PREX2: variants seen among roughly 807,000 people sequenced by gnomAD.
PREX2 encodes the protein phosphatidylinositol 3,4,5-trisphosphate-dependent Rac exchanger 2 protein.
In PREX2, 107 loss-of-function variants were observed where a neutral mutation model predicts 203.2. That is an observed-to-expected ratio of 0.53 (90% CI 0.45 to 0.62). PREX2 has a LOEUF of 0.62. PREX2 is among the 20% of genes least tolerant of loss of function. The probability of loss-of-function intolerance (pLI) is 0.00; values close to 1 mark genes in which losing one functional copy is unlikely to be tolerated. For missense variants in PREX2, 1,777 were observed against 1,955.9 expected, an observed-to-expected ratio of 0.91 and a Z score of 1.72; for synonymous variants, 672 against 663.6, an observed-to-expected ratio of 1.01 and a Z score of -0.19.
intron 31 of PREX2, among the ~76,000 whole-genome samples, chr8:68,128,377 A>G (rs1049157221): frequency 6.6e-6 from 1 of 152,140 alleles, no homozygotes; most frequent in Admixed American, 6.6e-5. Flanking sequence ...GTTTAAAAAA[A>G]TTCCCCAAAC....
intron 37 of PREX2, among the ~76,000 whole-genome samples, chr8:68,215,635 C>T (rs1211996435): frequency 6.6e-6 from 1 of 151,916 alleles, no homozygotes; most frequent in Non-Finnish European, 1.5e-5. Context: ...CCTGAGTTCA[C>T]GCCCTTCTCC....
chr8:68,030,632 T>A lies in PREX2; in HGVS notation c.679T>A (p.Trp227Arg). ...GGAGAAGTTAGAAGTTTTAGAGGAA[T>A]GGCAGTCTCACATTGAAGGCTGGGA... ...QMEKLEVLEEWQSHIEGWEGS... is the reference protein window; with the variant it reads ...QMEKLEVLEERQSHIEGWEGS... The change falls in exon 6 of 40, where the codon TGG (tryptophan) becomes AGG (arginine). Residue 227 changes from tryptophan to arginine, a missense_variant. Trp to Arg is a moderately radical substitution (Grantham distance 101, BLOSUM62 -3). Coordinates refer to ENST00000288368, the MANE Select transcript of PREX2 (RefSeq NM_024870.4). 6.2e-7 allele frequency: 1 copy of A among 1,613,618 alleles called. No individual in the cohort carries two copies. The highest frequency in any genetic ancestry group is 8.5e-7 in the Non-Finnish European group (1 of 1,179,622).
chr8:67,982,585 T>C (rs1347607923), intron 1 of PREX2, among the ~76,000 whole-genome samples: 2 of 152,210 alleles, frequency 1.3e-5, no homozygotes, highest in African/African-American at 4.8e-5. Context: ...GGGTAAAATA[T>C]TTAAAAAATA....
At chr8:68,030,730 G>T (rs980704401) in intron 6 of PREX2, 72 bp downstream of exon 6, 1 of 1,433,290 alleles carries the variant, frequency 7.0e-7, no homozygotes, top group Non-Finnish European at 9.8e-7. Flanking sequence ...AATTACTGGC[G>T]TTGGATGGAA....
chr8:68,162,295 T>A (rs1436841154), intron 35 of PREX2, among the ~76,000 whole-genome samples: 1 of 152,042 alleles, frequency 6.6e-6, no homozygotes, highest in African/African-American at 2.4e-5. Flanking sequence ...TAGAAAGAGG[T>A]TTTCTCAATT....
intron 4 of PREX2, among the ~76,000 whole-genome samples, chr8:68,024,814 G>A (rs779281328): frequency 2.0e-5 from 3 of 151,644 alleles, no homozygotes; most frequent in Admixed American, 6.6e-5. Context: ...AGTGTTTTTG[G>A]TGATTGCTCT....
chr8:67,957,999 C>A (rs765778772), intron 1 of PREX2, among the ~76,000 whole-genome samples: 10 of 152,046 alleles, frequency 6.6e-5, no homozygotes, highest in Non-Finnish European at 1.2e-4. Flanking sequence ...GAGGAAAGGC[C>A]TTGGGAGGAC....
chr8:68,111,467 T>C (rs1188737937), intron 25 of PREX2, among the ~76,000 whole-genome samples: 1 of 152,192 alleles, frequency 6.6e-6, no homozygotes, highest in Non-Finnish European at 1.5e-5. Flanking sequence ...GAGCTCCTTT[T>C]ACTTGGTTTA....
intron 35 of PREX2, among the ~76,000 whole-genome samples, chr8:68,160,892 T>A (rs1485200680): frequency 6.6e-6 from 1 of 152,114 alleles, no homozygotes; most frequent in Non-Finnish European, 1.5e-5. Flanking sequence ...ATTTTTATTA[T>A]CTCATTAATA....
intron 37 of PREX2, among the ~76,000 whole-genome samples, chr8:68,193,066 G>A (rs1406997621): frequency 2.0e-5 from 3 of 152,138 alleles, no homozygotes; most frequent in Non-Finnish European, 4.4e-5. Flanking sequence ...GTTTATCTTA[G>A]GCAACTGTGG....
chr8:68,214,434 C>T (rs1812796166), intron 37 of PREX2, among the ~76,000 whole-genome samples: 1 of 152,138 alleles, frequency 6.6e-6, no homozygotes, highest in Non-Finnish European at 1.5e-5. Flanking sequence ...AATGAGGGTT[C>T]CTGGCCTTTA....
At chr8:68,047,227 T>G (rs1808378982) in intron 8 of PREX2, among the ~76,000 whole-genome samples, 1 of 151,930 alleles carries the variant, frequency 6.6e-6, no homozygotes, top group South Asian at 2.1e-4. Context: ...GCACAGCATC[T>G]TCATTTCTTT....
chr8:67,965,092 G>T (rs1805730508), intron 1 of PREX2, among the ~76,000 whole-genome samples: 2 of 152,068 alleles, frequency 1.3e-5, no homozygotes, highest in Non-Finnish European at 2.9e-5. Context: ...TTCATTTCAG[G>T]CAAACCATCA....
intron 6 of PREX2, among the ~76,000 whole-genome samples, chr8:68,035,080 A>G (rs1297890062): frequency 6.6e-6 from 1 of 152,240 alleles, no homozygotes; most frequent in East Asian, 1.9e-4. Flanking sequence ...TTTGTATGTC[A>G]CAGAAATCAG....
chr8:68,179,799 A>C (rs1250656335), intron 35 of PREX2, among the ~76,000 whole-genome samples: 1 of 152,160 alleles, frequency 6.6e-6, no homozygotes, highest in African/African-American at 2.4e-5. Context: ...CAGAATTCAT[A>C]ATGTGTGATT....
intron 24 of PREX2, chr8:68,109,021 G>C (rs745469943): frequency 2.2e-6 from 1 of 453,998 alleles, no homozygotes; most frequent in Admixed American, 2.4e-5. Context: ...GTAGAGAGTA[G>C]AATGGTGAGT....
At chr8:67,975,479 A>T (rs932490351) in intron 1 of PREX2, among the ~76,000 whole-genome samples, 2 of 151,822 alleles carry the variant, frequency 1.3e-5, no homozygotes, top group African/African-American at 2.4e-5. Flanking sequence ...AACAAATGTT[A>T]CTATGTATCT....
At chr8:68,105,443 T>C in intron 23 of PREX2, 1 of 1,207,552 alleles carries the variant, frequency 8.3e-7, no homozygotes, top group Non-Finnish European at 1.1e-6. Flanking sequence ...GGACATCCTG[T>C]ATTCACAGGC....
intron 1 of PREX2, among the ~76,000 whole-genome samples, chr8:67,998,611 A>C (rs4295648): frequency 0.69 from 104,181 of 151,874 alleles, 35,962 homozygotes; most frequent in South Asian, 0.81. Context: ...TAGAAAAAAA[A>C]CAAAAAATTA....
Sources: gnomAD v4.1 joint callset for allele counts (sites outside exome capture counted in the v4.1 genomes callset) on GRCh38, gnomAD v4.1.1 for gene constraint, MANE v1.5 for transcripts, NCBI Gene and HGNC (gene_info 2026-07-23, HGNC 2026-07-21) for gene names.